The following HSDL2 variants were observed in gnomAD, a reference collection of about 807,000 sequenced individuals.
HSDL2 encodes the protein hydroxysteroid dehydrogenase-like protein 2.
Under a neutral mutation model 46.3 loss-of-function variants are expected in HSDL2, and 27 were observed. The ratio of observed to expected loss-of-function variants is 0.58; its 90% CI spans 0.43 to 0.80. The LOEUF is 0.80. HSDL2 is among the 30% of genes least tolerant of loss of function. HSDL2 has a pLI of 0.00. For missense variants in HSDL2, 451 were observed against 502.7 expected (o/e 0.90, Z 0.98); for synonymous variants, 153 against 163.6 (o/e 0.94, Z 0.50).
At position 112,409,081 on chromosome 9, in the gene HSDL2, T is replaced by C; in HGVS notation, c.395+60T>C. 5 of 956,040 alleles carry C rather than the reference T, an allele frequency of 5.2e-6. No individual in the cohort carries two copies. The East Asian group carries it at 7.2e-5, about 14-fold the overall frequency. The allele number at this position is 956,040 out of a possible 1,614,324, so 59.2% of individuals were successfully genotyped here. On this transcript the variant is annotated intron_variant, in intron 4 of 10. Coordinates refer to ENST00000398805, the MANE Select transcript of HSDL2 (RefSeq NM_032303.5). Reference sequence around the variant, plus strand: ...TGCGGTGTTTCTCAGGGAACTTACATAGTTGTAAACAGATTTGAGCCAAAT... The same window carrying C: ...TGCGGTGTTTCTCAGGGAACTTACACAGTTGTAAACAGATTTGAGCCAAAT...
intron 6 of HSDL2, among the ~76,000 whole-genome samples, chr9:112,424,336 A>T (rs965502711): frequency 4.6e-5 from 7 of 151,302 alleles, no homozygotes; most frequent in African/African-American, 1.5e-4. Context: ...AAAAAAAAAA[A>T]TTATATTTTC....
At position 112,471,715 on chromosome 9, in the gene HSDL2, TG is replaced by T. The variant is rs1833581099; in HGVS notation, c.*1173del. On this transcript the variant is annotated 3_prime_UTR_variant, in exon 11 of 11. Coordinates refer to ENST00000398805, the MANE Select transcript of HSDL2 (RefSeq NM_032303.5). Reference sequence around the variant, plus strand: ...CCCCCCAATCTGTGGTATTTTATTATGGCAGCCCTAGCAAGCTAATACAGTG... The same window carrying T: ...CCCCCCAATCTGTGGTATTTTATTATGCAGCCCTAGCAAGCTAATACAGTG... 6.6e-6 allele frequency: 1 copy of T among 152,220 alleles called. No individual in the cohort carries two copies. The highest frequency in any genetic ancestry group is 1.5e-5 in the Non-Finnish European group (1 of 68,080). 9.4% of individuals were successfully genotyped at this position (152,220 alleles called of 1,614,324 possible). A position where few individuals can be genotyped will look rare whatever the true frequency, so the allele number is the denominator to read the frequency against.
intron 2 of HSDL2, among the ~76,000 whole-genome samples, chr9:112,405,397 T>A (rs751705314): frequency 3.9e-5 from 6 of 152,132 alleles, no homozygotes; most frequent in Non-Finnish European, 5.9e-5. Flanking sequence ...TTTAGCTTTT[T>A]AAAAAAATTA....
intron 10 of HSDL2, 65 bp downstream of exon 10, chr9:112,459,642 T>G (rs980455094): frequency 7.2e-7 from 1 of 1,390,028 alleles, no homozygotes; most frequent in Non-Finnish European, 1.0e-6. Context: ...ACATTTTGCT[T>G]TATCCCTTCC....
intron 8 of HSDL2, among the ~76,000 whole-genome samples, chr9:112,444,025 G>A (rs1832697711): frequency 6.6e-6 from 1 of 152,198 alleles, no homozygotes; most frequent in Non-Finnish European, 1.5e-5. Context: ...TTACCCTTAA[G>A]GTTAGAAGAC....
chr9:112,453,675 G>A (rs545013031), intron 8 of HSDL2, among the ~76,000 whole-genome samples: 3 of 152,214 alleles, frequency 2.0e-5, no homozygotes, highest in East Asian at 1.9e-4. Context: ...TTACATGCAT[G>A]AGCCGCCACG....
intron 9 of HSDL2, among the ~76,000 whole-genome samples, chr9:112,457,962 T>C (rs1237034371): frequency 6.6e-6 from 1 of 152,242 alleles, no homozygotes; most frequent in East Asian, 1.9e-4. Flanking sequence ...GGTAGGGCCA[T>C]ACGTAAACCT....
At position 112,402,975 on chromosome 9, in the gene HSDL2, A is replaced by AAC. The variant is rs1458210435; in HGVS notation, c.18-1008_18-1007dup. 3.3e-3 allele frequency among the ~76,000 whole-genome samples: 508 copies of AAC among 151,844 alleles called. 2 individuals are homozygous for AAC. Among genetic ancestry groups the AAC allele is most frequent in the African/African-American group, 0.01 (418 of 41,428 alleles). On this transcript the variant is annotated intron_variant, in intron 1 of 10. Coordinates refer to ENST00000398805, the MANE Select transcript of HSDL2 (RefSeq NM_032303.5). ...AAAAAAAACACACACACACACACAA[A>AAC]ACACACACACACAAAGAATGAAATG...
chr9:112,429,388 G>T (rs1832332269), intron 6 of HSDL2, among the ~76,000 whole-genome samples: 1 of 152,184 alleles, frequency 6.6e-6, no homozygotes, highest in Non-Finnish European at 1.5e-5. Flanking sequence ...ATTTAGTGTG[G>T]GAGATTTAAG....
At chr9:112,461,374 C>T (rs1471078529) in intron 10 of HSDL2, among the ~76,000 whole-genome samples, 4 of 152,094 alleles carry the variant, frequency 2.6e-5, no homozygotes, top group African/African-American at 7.2e-5. Context: ...CCACCGCGCC[C>T]GGCCCCTTTA....
intron 1 of HSDL2, among the ~76,000 whole-genome samples, chr9:112,399,912 C>G (rs1322327055): frequency 6.6e-6 from 1 of 152,204 alleles, no homozygotes; most frequent in Non-Finnish European, 1.5e-5. Context: ...ACAATTATCA[C>G]AGTGGTCCTG....
At chr9:112,385,736 G>A (rs1030410418) in intron 1 of HSDL2, among the ~76,000 whole-genome samples, 4 of 150,566 alleles carry the variant, frequency 2.7e-5, no homozygotes, top group Non-Finnish European at 5.9e-5. Context: ...CTTGTGATCC[G>A]CCCACCTCAG....
intron 5 of HSDL2, among the ~76,000 whole-genome samples, chr9:112,417,863 A>C (rs1832028722): frequency 6.6e-6 from 1 of 152,090 alleles, no homozygotes; most frequent in Non-Finnish European, 1.5e-5. Context: ...AGATCACTTG[A>C]GGTCAGGAGT....
At chr9:112,459,646 C>A in intron 10 of HSDL2, 69 bp downstream of exon 10, 1 of 1,345,748 alleles carries the variant, frequency 7.4e-7, no homozygotes, top group Non-Finnish European at 1.1e-6. Flanking sequence ...TTTGCTTTAT[C>A]CCTTCCCAAA....
intron 6 of HSDL2, among the ~76,000 whole-genome samples, chr9:112,437,320 C>T (rs1587954724): frequency 1.3e-5 from 2 of 152,184 alleles, no homozygotes; most frequent in South Asian, 4.1e-4. Context: ...CCCAGAAATC[C>T]AACCAATATT....
chr9:112,448,013 C>T (rs548213050), intron 8 of HSDL2, among the ~76,000 whole-genome samples: 69 of 152,164 alleles, frequency 4.5e-4, no homozygotes, highest in African/African-American at 1.3e-3. Flanking sequence ...GGTTCAAATC[C>T]GGTGCCCGCC....
chr9:112,419,140 C>T (rs566135759), intron 6 of HSDL2, among the ~76,000 whole-genome samples, 182 bp downstream of exon 6: 34 of 150,926 alleles, frequency 2.3e-4, no homozygotes, highest in South Asian at 1.9e-3. Flanking sequence ...TCCCAAGCAG[C>T]TGGGACTATA....
chr9:112,406,176 A>G (rs1309906448), intron 3 of HSDL2, among the ~76,000 whole-genome samples: 1 of 151,914 alleles, frequency 6.6e-6, no homozygotes. Context: ...GAAAAAAAAA[A>G]AAAAGAAAAA....
chr9:112,383,783 C>T (rs1229547428), intron 1 of HSDL2, among the ~76,000 whole-genome samples: 1 of 152,312 alleles, frequency 6.6e-6, no homozygotes, highest in East Asian at 1.9e-4. Flanking sequence ...TTCACTGCAG[C>T]CTTGATCTCC....
Sources: allele counts gnomAD v4.1 joint callset (sites outside exome capture counted in the v4.1 genomes callset), GRCh38; gene constraint gnomAD v4.1.1; transcripts MANE v1.5; gene names NCBI Gene and HGNC (gene_info 2026-07-23, HGNC 2026-07-21).